The following TRIQK variants were observed in gnomAD, a reference collection of about 807,000 sequenced individuals.
TRIQK encodes triple QxxK/R motif containing.
In TRIQK, 10 loss-of-function variants were observed where a neutral mutation model predicts 10.8. The observed-to-expected ratio is 0.92, with a 90% CI of 0.57 to 1.57. TRIQK has a LOEUF of 1.57. Ranked by LOEUF, TRIQK falls within the 40% of genes most tolerant of loss-of-function variation. The probability of loss-of-function intolerance (pLI) is 0.00; values close to 1 mark genes in which losing one functional copy is unlikely to be tolerated. For synonymous variants in TRIQK, 33 were observed against 33.7 expected (o/e 0.98, Z 0.07); for missense variants, 107 against 97.7 (o/e 1.09, Z -0.40).
At chr8:93,011,045 TG>T (rs1813326763) in intron 1 of TRIQK, among the ~76,000 whole-genome samples, 2 of 152,194 alleles carry the variant, frequency 1.3e-5, no homozygotes, top group African/African-American at 4.8e-5. Context: ...GGCACCAAAA[TG>T]GTGATACTTA....
At chr8:92,953,864 G>A (rs1456246304) in intron 2 of TRIQK, 1 of 151,830 alleles carries the variant, frequency 6.6e-6, no homozygotes, top group Non-Finnish European at 1.5e-5. Context: ...TGAGGTCAGA[G>A]ATAAACAGAG....
intron 2 of TRIQK, among the ~76,000 whole-genome samples, chr8:92,952,146 A>C (rs1292502914): frequency 6.6e-6 from 1 of 152,082 alleles, no homozygotes; most frequent in Non-Finnish European, 1.5e-5. Flanking sequence ...GGATGTTGAA[A>C]TTATCAAACT....
chr8:92,979,994 G>A (rs540914131), intron 1 of TRIQK, among the ~76,000 whole-genome samples: 8 of 152,044 alleles, frequency 5.3e-5, no homozygotes, highest in African/African-American at 1.9e-4. Context: ...TAATGTTGAA[G>A]AATAGCAACA....
At chr8:92,890,124 G>A (rs1475515894) in intron 4 of TRIQK, among the ~76,000 whole-genome samples, 1 of 151,666 alleles carries the variant, frequency 6.6e-6, no homozygotes, top group Non-Finnish European at 1.5e-5. Flanking sequence ...AATGGCAATT[G>A]CTGAAAGAAA....
intron 3 of TRIQK, among the ~76,000 whole-genome samples, chr8:92,906,928 C>T (rs558613987): frequency 3.3e-5 from 5 of 151,648 alleles, no homozygotes; most frequent in African/African-American, 1.2e-4. Flanking sequence ...ACTTAGTGAA[C>T]AGCAGCTCAA....
At chr8:92,917,921 C>G (rs1809956116) in intron 2 of TRIQK, among the ~76,000 whole-genome samples, 1 of 152,036 alleles carries the variant, frequency 6.6e-6, no homozygotes, top group Admixed American at 6.6e-5. Flanking sequence ...TTATTCTACT[C>G]TCTACCTCCA....
At chr8:92,886,796 T>A (rs1288432867) in intron 4 of TRIQK, 61 bp from the exon 5 acceptor site, 2 of 876,794 alleles carry the variant, frequency 2.3e-6, no homozygotes, top group Admixed American at 4.2e-5. Context: ...ACATTATTAG[T>A]TTCACCAGAT....
intron 1 of TRIQK, among the ~76,000 whole-genome samples, chr8:93,013,478 A>C (rs1356343650): frequency 6.6e-6 from 1 of 152,118 alleles, no homozygotes; most frequent in East Asian, 1.9e-4. Flanking sequence ...GTTGGGAGGG[A>C]GGAAGAGAAA....
At chr8:92,918,980 T>C (rs1810023391) in intron 2 of TRIQK, among the ~76,000 whole-genome samples, 1 of 151,864 alleles carries the variant, frequency 6.6e-6, no homozygotes, top group Non-Finnish European at 1.5e-5. Flanking sequence ...AAAGAGACAA[T>C]CGTTTCCCAC....
chr8:92,884,716 A>G lies in TRIQK; in HGVS notation c.*1906T>C. ...CATTTGGATAAGTATCTAATAAGCA[A>G]TTATTACATATCCTCTCATTTAAAT... On this transcript the variant is annotated 3_prime_UTR_variant, in exon 5 of 5. Transcript: ENST00000521988. 1 of 399,414 alleles carries G rather than the reference A, an allele frequency of 2.5e-6. No homozygotes were observed. Among genetic ancestry groups the G allele is most frequent in the South Asian group, 1.9e-5 (1 of 53,882 alleles). The allele number at this position is 399,414 out of a possible 1,614,324, so 24.7% of individuals were successfully genotyped here. A position where few individuals can be genotyped will look rare whatever the true frequency, so the allele number is the denominator to read the frequency against.
intron 1 of TRIQK, among the ~76,000 whole-genome samples, chr8:92,980,191 C>A (rs1812972545): frequency 6.6e-6 from 1 of 152,078 alleles, no homozygotes; most frequent in South Asian, 2.1e-4. Flanking sequence ...TGTCACTACT[C>A]ATTGAAATGA....
chr8:92,889,366 T>C (rs538406699), intron 4 of TRIQK, among the ~76,000 whole-genome samples: 16 of 151,784 alleles, frequency 1.1e-4, no homozygotes, highest in Admixed American at 9.9e-4. Flanking sequence ...ATCTTTCTTT[T>C]CACAGGTGCT....
At chr8:92,892,200 G>A (rs1816803310) in intron 3 of TRIQK, 126 bp from the exon 4 acceptor site, 2 of 623,060 alleles carry the variant, frequency 3.2e-6, no homozygotes, top group Admixed American at 3.5e-5. Context: ...GTAGTTCCCA[G>A]TTGTGGTAAC....
intron 3 of TRIQK, among the ~76,000 whole-genome samples, chr8:92,896,940 C>G (rs1808635130): frequency 6.6e-6 from 1 of 151,966 alleles, no homozygotes; most frequent in Admixed American, 6.6e-5. Flanking sequence ...CCTCAGCCTC[C>G]CAAGTAGCTG....
chr8:92,958,905 A>G (rs572632312), intron 1 of TRIQK, among the ~76,000 whole-genome samples: 6 of 152,216 alleles, frequency 3.9e-5, no homozygotes, highest in African/African-American at 1.4e-4. Flanking sequence ...CTCTGCGGCA[A>G]TTACACAACT....
intron 3 of TRIQK, among the ~76,000 whole-genome samples, chr8:92,894,516 C>G (rs746836279): frequency 6.6e-5 from 10 of 151,710 alleles, no homozygotes; most frequent in Non-Finnish European, 1.2e-4. Flanking sequence ...ACAACTGATT[C>G]TGATTTTGGT....
chr8:92,981,197 TGC>T (rs1377450055), intron 1 of TRIQK, among the ~76,000 whole-genome samples: 2 of 151,902 alleles, frequency 1.3e-5, no homozygotes, highest in Admixed American at 1.3e-4. Context: ...CTTGTTTTCG[TGC>T]AATACGTTCA....
chr8:92,950,910 G>T (rs923715341), intron 2 of TRIQK, among the ~76,000 whole-genome samples: 2 of 152,006 alleles, frequency 1.3e-5, no homozygotes, highest in Non-Finnish European at 2.9e-5. Context: ...AGCCATCAGG[G>T]ATTGGTTCCA....
At chr8:92,943,139 G>A (rs1304340930) in intron 2 of TRIQK, among the ~76,000 whole-genome samples, 4 of 151,002 alleles carry the variant, frequency 2.6e-5, no homozygotes, top group Non-Finnish European at 5.9e-5. Context: ...TCTCCGCAGT[G>A]AAAACTATTT....
Sources: gnomAD v4.1 joint callset for allele counts (sites outside exome capture counted in the v4.1 genomes callset) on GRCh38, gnomAD v4.1.1 for gene constraint, MANE v1.5 for transcripts, NCBI Gene and HGNC (gene_info 2026-07-23, HGNC 2026-07-21) for gene names.